Variants in LRP1B observed in about 807,000 individuals in gnomAD.
The protein encoded by LRP1B is low-density lipoprotein receptor-related protein 1B.
In LRP1B, 217 loss-of-function variants were observed where a neutral mutation model predicts 556.6. The observed-to-expected ratio is 0.39, with a 90% CI of 0.35 to 0.44. The LOEUF (loss-of-function observed/expected upper bound fraction) is 0.44, where lower values mean the gene tolerates loss of function less well. LRP1B is among the 20% of genes least tolerant of loss of function. The pLI, the probability that LRP1B is intolerant of heterozygous loss-of-function variation, is 1.00. For missense variants in LRP1B, 5,053 were observed against 5,620.8 expected (o/e 0.90, Z 3.23); for synonymous variants, 2,047 against 1,865.8 (o/e 1.10, Z -2.50).
intron 32 of LRP1B, among the ~76,000 whole-genome samples, chr2:140,803,798 C>G (rs1426611317): frequency 1.3e-5 from 2 of 151,718 alleles, no homozygotes; most frequent in African/African-American, 4.8e-5. Context: ...AAATTACTTT[C>G]AGAAAATAAA....
chr2:140,874,965 C>T (rs1225470006), intron 25 of LRP1B, among the ~76,000 whole-genome samples: 2 of 151,634 alleles, frequency 1.3e-5, no homozygotes, highest in East Asian at 3.9e-4. Context: ...TTGCAGTGAG[C>T]TGAGATCGTG....
At chr2:140,748,885 C>T (rs1396458774) in intron 35 of LRP1B, among the ~76,000 whole-genome samples, 1 of 115,000 alleles carries the variant, frequency 8.7e-6, no homozygotes, top group Non-Finnish European at 1.8e-5. Context: ...AGTCATGCAT[C>T]ACTTAACAAC....
intron 3 of LRP1B, among the ~76,000 whole-genome samples, chr2:141,417,234 T>C (rs1342108746): frequency 1.3e-5 from 2 of 152,198 alleles, no homozygotes; most frequent in Non-Finnish European, 2.9e-5. Flanking sequence ...ATTATTGTGG[T>C]TAAAAAAACT....
At chr2:140,311,724 C>T (rs1573771833) in intron 83 of LRP1B, among the ~76,000 whole-genome samples, 1 of 151,836 alleles carries the variant, frequency 6.6e-6, no homozygotes, top group East Asian at 1.9e-4. Context: ...TTCAGCATTC[C>T]CTAAATATAA....
At position 140,514,791 on chromosome 2, in the gene LRP1B, G is replaced by GAA. The variant is rs199711847; in HGVS notation, c.8150-21_8150-20dup. The stretch of plus-strand genomic sequence containing the variant: ...GAAGAATCTAGGAAACAAACAAAAG[G>GAA]AAAAAAAAAAATAGTTTGAGACCGT... On this transcript the variant is annotated intron_variant, in intron 50 of 90. Coordinates refer to ENST00000389484, the MANE Select transcript of LRP1B (RefSeq NM_018557.3). 52 of 1,259,254 alleles carry GAA rather than the reference G, an allele frequency of 4.1e-5. No homozygotes were observed. The highest frequency in any genetic ancestry group is 2.3e-4 in the East Asian group (8 of 35,146). 78.0% of individuals were successfully genotyped at this position (1,259,254 alleles called of 1,614,324 possible).
intron 35 of LRP1B, among the ~76,000 whole-genome samples, chr2:140,761,270 T>G (rs1688911316): frequency 6.6e-6 from 1 of 152,182 alleles, no homozygotes; most frequent in Non-Finnish European, 1.5e-5. Flanking sequence ...CACTGATATT[T>G]CAAACCTGCC....
chr2:140,364,572 G>T (rs2105150769), intron 72 of LRP1B, 89 bp downstream of exon 72: 2 of 1,457,828 alleles, frequency 1.4e-6, no homozygotes, highest in Non-Finnish European at 1.9e-6. Context: ...TGGTATAATT[G>T]GTAGTTCACC....
At chr2:140,860,138 A>G (rs1302349301) in intron 27 of LRP1B, among the ~76,000 whole-genome samples, 2 of 152,240 alleles carry the variant, frequency 1.3e-5, no homozygotes, top group Admixed American at 6.5e-5. Context: ...TCCAGAGTCC[A>G]GGTTTTAACT....
intron 41 of LRP1B, among the ~76,000 whole-genome samples, chr2:140,650,727 G>A (rs1684654595): frequency 6.6e-6 from 1 of 152,106 alleles, no homozygotes; most frequent in Non-Finnish European, 1.5e-5. Context: ...CTAGTGAAGT[G>A]TCTCCCACTG....
At chr2:141,844,392 T>G (rs905174194) in intron 1 of LRP1B, among the ~76,000 whole-genome samples, 1 of 152,140 alleles carries the variant, frequency 6.6e-6, no homozygotes, top group African/African-American at 2.4e-5. Context: ...CCTAGCTATG[T>G]TCCATAACTT....
chr2:140,454,235 G>A (rs941715091), intron 62 of LRP1B, among the ~76,000 whole-genome samples: 1 of 151,920 alleles, frequency 6.6e-6, no homozygotes, highest in African/African-American at 2.4e-5. Flanking sequence ...TTCAGCCTCC[G>A]CCTTCTGGGT....
intron 2 of LRP1B, among the ~76,000 whole-genome samples, chr2:141,484,413 T>C (rs11884274): frequency 0.9 from 134,190 of 149,514 alleles, 61,004 homozygotes; most frequent in East Asian, 1. Flanking sequence ...TCCAGCTTTG[T>C]TCTTTTGGCT....
At chr2:141,674,391 G>A (rs150715416) in intron 2 of LRP1B, among the ~76,000 whole-genome samples, 9 of 152,062 alleles carry the variant, frequency 5.9e-5, no homozygotes, top group East Asian at 1.9e-4. Context: ...ACAGAGCAAC[G>A]TTTTCCCATC....
chr2:141,781,908 A>G (rs1033384961), intron 2 of LRP1B, among the ~76,000 whole-genome samples: 2 of 152,156 alleles, frequency 1.3e-5, no homozygotes, highest in African/African-American at 2.4e-5. Flanking sequence ...GATTTCTTAA[A>G]GCGTTTTCCC....
chr2:140,822,847 T>C (rs1446926483), intron 31 of LRP1B, among the ~76,000 whole-genome samples: 3 of 152,168 alleles, frequency 2.0e-5, no homozygotes, highest in Non-Finnish European at 4.4e-5. Context: ...TAAACTTGGA[T>C]TTTAAAGCCA....
chr2:140,274,292 T>C (rs2104951238), intron 85 of LRP1B, 132 bp downstream of exon 85: 2 of 740,122 alleles, frequency 2.7e-6, no homozygotes, highest in South Asian at 1.8e-5. Flanking sequence ...TCTCTAATCA[T>C]AAAAACTGCA....
intron 20 of LRP1B, among the ~76,000 whole-genome samples, chr2:140,937,692 GTATT>G (rs1396117236): frequency 1.3e-5 from 2 of 152,064 alleles, no homozygotes; most frequent in Non-Finnish European, 1.5e-5. Flanking sequence ...TTTATGTACA[GTATT>G]TATTGGTATC....
intron 2 of LRP1B, among the ~76,000 whole-genome samples, chr2:141,579,856 C>T (rs973047697): frequency 1.3e-5 from 2 of 151,628 alleles, no homozygotes; most frequent in Non-Finnish European, 2.9e-5. Flanking sequence ...CCCACCACCA[C>T]ACCCGGCTAA....
chr2:141,560,227 A>G (rs1277848613), intron 2 of LRP1B, among the ~76,000 whole-genome samples: 1 of 151,836 alleles, frequency 6.6e-6, no homozygotes, highest in Non-Finnish European at 1.5e-5. Context: ...ATCCAGCATT[A>G]TAGTGCACTT....
Sources: allele counts gnomAD v4.1 joint callset (sites outside exome capture counted in the v4.1 genomes callset), GRCh38; gene constraint gnomAD v4.1.1; transcripts MANE v1.5; gene names NCBI Gene and HGNC (gene_info 2026-07-23, HGNC 2026-07-21).